Variants in TYW1 observed in about 807,000 individuals in gnomAD.
TYW1 encodes the protein S-adenosyl-L-methionine-dependent tRNA 4-demethylwyosine synthase TYW1.
TYW1 carries 46 observed loss-of-function variants against 96.2 expected under a neutral mutation model. That is an observed-to-expected ratio of 0.48 (90% CI 0.38 to 0.61). The LOEUF is 0.61. Among genes scored for constraint, TYW1 ranks in the 20% least tolerant of loss-of-function variants. The pLI, the probability that TYW1 is intolerant of heterozygous loss-of-function variation, is 0.00. For missense variants in TYW1, 684 were observed against 909.6 expected (o/e 0.75, Z 3.19); for synonymous variants, 274 against 323.0 (o/e 0.85, Z 1.63).
At chr7:67,019,240 T>G (rs1468738399) in intron 6 of TYW1, among the ~76,000 whole-genome samples, 1 of 152,234 alleles carries the variant, frequency 6.6e-6, no homozygotes, top group Non-Finnish European at 1.5e-5. Context: ...AGATTCCCCT[T>G]CTTACTCTCC....
chr7:67,058,060 G>T (rs149154805), intron 9 of TYW1, among the ~76,000 whole-genome samples: 5 of 151,858 alleles, frequency 3.3e-5, no homozygotes, highest in Non-Finnish European at 7.4e-5. Flanking sequence ...TCAGCCTCCC[G>T]AGTAGCTGGG....
intron 13 of TYW1, among the ~76,000 whole-genome samples, chr7:67,135,407 C>T (rs535394100): frequency 6.2e-5 from 9 of 146,112 alleles, no homozygotes; most frequent in Non-Finnish European, 1.2e-4. Flanking sequence ...TGGGTTCAAG[C>T]GATCCTCCCA....
At chr7:67,227,205 T>TA (rs201061743) in intron 15 of TYW1, among the ~76,000 whole-genome samples, 4 of 152,202 alleles carry the variant, frequency 2.6e-5, no homozygotes, top group African/African-American at 2.4e-5. Flanking sequence ...TCCTGCCTGA[T>TA]AAGAGTACCT....
chr7:67,024,768 G>T, intron 6 of TYW1, 132 bp from the exon 7 acceptor site: 2 of 1,387,896 alleles, frequency 1.4e-6, no homozygotes, highest in Non-Finnish European at 1.9e-6. Flanking sequence ...GCGACAGAGC[G>T]AGACCCTGTC....
chr7:66,997,633 AC>A (rs1227345229), intron 1 of TYW1, among the ~76,000 whole-genome samples: 2 of 53,614 alleles, frequency 3.7e-5, no homozygotes, highest in Non-Finnish European at 8.4e-5. Flanking sequence ...GTTGTTCCCC[AC>A]CCCCCCGCCC....
At chr7:67,013,338 G>C (rs950470351) in intron 4 of TYW1, among the ~76,000 whole-genome samples, 54 of 150,698 alleles carry the variant, frequency 3.6e-4, no homozygotes, top group South Asian at 1.0e-3. Flanking sequence ...GCTTAGGCTG[G>C]TCTTGAACTC....
chr7:67,224,304 T>G (rs561897807), intron 15 of TYW1, among the ~76,000 whole-genome samples: 1 of 152,208 alleles, frequency 6.6e-6, no homozygotes, highest in Admixed American at 6.5e-5. Flanking sequence ...ATTTTGTATT[T>G]TTAGTAGAGA....
At chr7:67,149,242 T>C (rs1408497235) in intron 13 of TYW1, among the ~76,000 whole-genome samples, 3 of 152,234 alleles carry the variant, frequency 2.0e-5, no homozygotes, top group Admixed American at 6.5e-5. Context: ...TTAAAAAGAA[T>C]GATCAGAAGC....
chr7:67,138,755 T>C (rs1798352239), intron 13 of TYW1, among the ~76,000 whole-genome samples: 1 of 152,204 alleles, frequency 6.6e-6, no homozygotes, highest in African/African-American at 2.4e-5. Flanking sequence ...CTGGCTAATA[T>C]CACTTAGCAT....
At chr7:67,014,143 T>C (rs1330104116) in intron 4 of TYW1, among the ~76,000 whole-genome samples, 1 of 152,182 alleles carries the variant, frequency 6.6e-6, no homozygotes, top group Non-Finnish European at 1.5e-5. Flanking sequence ...TATGGTGAAA[T>C]ATACCAGGAG....
At chr7:67,008,850 C>T (rs749518564) in intron 3 of TYW1, among the ~76,000 whole-genome samples, 7 of 151,590 alleles carry the variant, frequency 4.6e-5, no homozygotes, top group Middle Eastern at 3.4e-3. Context: ...TTAGTAGAGA[C>T]GGGGTTTTAC....
chr7:67,163,880 G>C (rs1223071242), intron 13 of TYW1, among the ~76,000 whole-genome samples: 2 of 152,048 alleles, frequency 1.3e-5, no homozygotes, highest in Non-Finnish European at 2.9e-5. Flanking sequence ...TGTTGGCCAG[G>C]CTGGTCTCGA....
At chr7:67,176,465 G>T (rs547797197) in intron 13 of TYW1, among the ~76,000 whole-genome samples, 1 of 152,108 alleles carries the variant, frequency 6.6e-6, no homozygotes, top group African/African-American at 2.4e-5. Flanking sequence ...GCCAAGAAGC[G>T]ATGGAATTCA....
At chr7:67,132,099 CA>C (rs1798094075) in intron 13 of TYW1, among the ~76,000 whole-genome samples, 1 of 151,116 alleles carries the variant, frequency 6.6e-6, no homozygotes, top group South Asian at 2.1e-4. Context: ...TCCTTTAATA[CA>C]ATCAAGTTGA....
chr7:67,196,428 T>C (rs1323919559), intron 15 of TYW1, among the ~76,000 whole-genome samples: 2 of 147,520 alleles, frequency 1.4e-5, no homozygotes, highest in African/African-American at 4.9e-5. Flanking sequence ...TTCTCATTCA[T>C]GTTGCCTTGT....
At chr7:67,025,846 A>G (rs1040245022) in intron 7 of TYW1, among the ~76,000 whole-genome samples, 1 of 152,164 alleles carries the variant, frequency 6.6e-6, no homozygotes, top group East Asian at 1.9e-4. Context: ...AATTAAAATT[A>G]TATGTAGTCC....
intron 15 of TYW1, among the ~76,000 whole-genome samples, chr7:67,197,952 T>TTCCCCCCC (rs1563067011): frequency 7.9e-6 from 1 of 125,976 alleles, no homozygotes; most frequent in Non-Finnish European, 1.6e-5. Flanking sequence ...CTCCCTTCCC[T>TTCCCCCCC]ACCCCTGCCC....
intron 10 of TYW1, among the ~76,000 whole-genome samples, chr7:67,072,366 C>A (rs1248072522): frequency 6.6e-6 from 1 of 151,770 alleles, no homozygotes; most frequent in African/African-American, 2.4e-5. Flanking sequence ...CCTGCCTCAG[C>A]CTCCTGAGTA....
chr7:67,127,902 G>C (rs1797954221), intron 13 of TYW1, among the ~76,000 whole-genome samples: 1 of 152,030 alleles, frequency 6.6e-6, no homozygotes, highest in Admixed American at 6.6e-5. Context: ...TGCTTTCTGG[G>C]TAGAAGTTGA....
Sources: allele counts gnomAD v4.1 joint callset (sites outside exome capture counted in the v4.1 genomes callset), GRCh38; gene constraint gnomAD v4.1.1; transcripts MANE v1.5; gene names NCBI Gene and HGNC (gene_info 2026-07-23, HGNC 2026-07-21).